PLPP4: variants seen among roughly 807,000 people sequenced by gnomAD.
PLPP4 encodes diacylglycerol pyrophosphate like 2.
In PLPP4, 20 loss-of-function variants were observed where a neutral mutation model predicts 32.2. The observed-to-expected ratio is 0.62, with a 90% CI of 0.44 to 0.90. PLPP4 has a LOEUF of 0.90. PLPP4 is among the 40% of genes least tolerant of loss of function. The pLI is 0.00. For synonymous variants in PLPP4, 127 were observed against 133.0 expected (o/e 0.95, Z 0.31); for missense variants, 257 against 353.1 (o/e 0.73, Z 2.18).
chr10:120,574,166 ACACTCTCTCTCTCTCTCTCT>A (rs1240830505), intron 5 of PLPP4, among the ~76,000 whole-genome samples: 52 of 48,012 alleles, frequency 1.1e-3, no homozygotes, highest in African/African-American at 3.7e-3. Flanking sequence ...ACACACACAC[ACACTCTCTCTCTCTCTCTCT>A]CTCTCTCTCT....
rs1430582061 is a variant in PLPP4 at position 120,550,843 on chromosome 10, A to T, written c.446-24288A>T. Reference sequence around the variant, plus strand: ...CTTTGGTACTTTGGGATAGACAAAGATTTCTTTAGGAGAAACACAACAGCA... The same window carrying T: ...CTTTGGTACTTTGGGATAGACAAAGTTTTCTTTAGGAGAAACACAACAGCA... On this transcript the variant is annotated intron_variant, in intron 5 of 6. Transcript: ENST00000398250. Among the ~76,000 whole-genome samples, 5 of 152,096 alleles carry T rather than the reference A, an allele frequency of 3.3e-5. No individual in the cohort carries two copies. In the South Asian group the frequency reaches 8.3e-4, roughly 25 times the overall value.
At chr10:120,543,078 T>G (rs1046210697) in intron 5 of PLPP4, among the ~76,000 whole-genome samples, 1 of 152,154 alleles carries the variant, frequency 6.6e-6, no homozygotes, top group Non-Finnish European at 1.5e-5. Flanking sequence ...GTGGCAGGAC[T>G]GGGCCACCTT....
At chr10:120,463,193 A>AT (rs1848148310) in intron 1 of PLPP4, among the ~76,000 whole-genome samples, 1 of 151,582 alleles carries the variant, frequency 6.6e-6, no homozygotes, top group Admixed American at 6.6e-5. Flanking sequence ...CGCCTGGCTA[A>AT]TTTTTTGTAT....
intron 4 of PLPP4, among the ~76,000 whole-genome samples, chr10:120,520,503 A>T (rs1044567841): frequency 6.6e-6 from 1 of 152,214 alleles, no homozygotes; most frequent in Non-Finnish European, 1.5e-5. Flanking sequence ...ATGCATGCCA[A>T]TATCCAACAA....
At chr10:120,494,609 G>C (rs2133845779) in intron 1 of PLPP4, among the ~76,000 whole-genome samples, 2 of 152,328 alleles carry the variant, frequency 1.3e-5, no homozygotes, top group South Asian at 4.1e-4. Flanking sequence ...AATTCCGGGA[G>C]CTGTTCCTGG....
At chr10:120,513,872 C>A in intron 2 of PLPP4, 39 bp from the exon 3 acceptor site, 1 of 1,489,282 alleles carries the variant, frequency 6.7e-7, no homozygotes, top group Non-Finnish European at 9.4e-7. Context: ...TGATAGCAAA[C>A]TGATGTCCTC....
chr10:120,579,841 C>T (rs553481607), intron 6 of PLPP4, among the ~76,000 whole-genome samples: 1 of 151,682 alleles, frequency 6.6e-6, no homozygotes, highest in South Asian at 2.1e-4. Flanking sequence ...GGCGCGGTGG[C>T]TCATGCCTGT....
chr10:120,581,328 C>T, intron 6 of PLPP4: 1 of 984,230 alleles, frequency 1.0e-6, no homozygotes, highest in Non-Finnish European at 1.2e-6. Flanking sequence ...TTCCTTCCCA[C>T]TCTGGTCTAG....
chr10:120,589,013 T>G (rs1231565864), intron 6 of PLPP4, among the ~76,000 whole-genome samples: 3 of 152,266 alleles, frequency 2.0e-5, no homozygotes, highest in African/African-American at 7.2e-5. Flanking sequence ...AGCACTGCAC[T>G]CCAGCCTGGG....
intron 5 of PLPP4, among the ~76,000 whole-genome samples, chr10:120,572,625 G>A (rs1044290372): frequency 1.3e-5 from 2 of 152,162 alleles, no homozygotes; most frequent in African/African-American, 2.4e-5. Flanking sequence ...TGCATTTAGT[G>A]TAATTAGGTG....
chr10:120,544,615 G>A (rs1217424921), intron 5 of PLPP4, among the ~76,000 whole-genome samples: 2 of 152,192 alleles, frequency 1.3e-5, no homozygotes, highest in Non-Finnish European at 2.9e-5. Context: ...AGGTTGGAGT[G>A]TGAGCCTGTC....
At chr10:120,490,695 G>A (rs1844680590) in intron 1 of PLPP4, among the ~76,000 whole-genome samples, 1 of 152,208 alleles carries the variant, frequency 6.6e-6, no homozygotes, top group African/African-American at 2.4e-5. Flanking sequence ...AATGGTCATG[G>A]GTGTCAGGTC....
intron 1 of PLPP4, among the ~76,000 whole-genome samples, chr10:120,479,962 CA>C (rs1200242893): frequency 6.6e-6 from 1 of 152,154 alleles, no homozygotes; most frequent in African/African-American, 2.4e-5. Context: ...CTCTCTAAAG[CA>C]AGTTAGTTTC....
intron 6 of PLPP4, among the ~76,000 whole-genome samples, chr10:120,584,901 A>G (rs1015837744): frequency 3.7e-4 from 57 of 152,238 alleles, no homozygotes; most frequent in African/African-American, 1.2e-3. Flanking sequence ...GGGAAACAGA[A>G]TTGGCAGGAA....
At chr10:120,534,599 T>C (rs937136636) in intron 5 of PLPP4, among the ~76,000 whole-genome samples, 1 of 152,160 alleles carries the variant, frequency 6.6e-6, no homozygotes, top group African/African-American at 2.4e-5. Context: ...TATGCTTAAA[T>C]GTGTCCTATA....
At chr10:120,543,710 C>T (rs567627848) in intron 5 of PLPP4, among the ~76,000 whole-genome samples, 1 of 152,242 alleles carries the variant, frequency 6.6e-6, no homozygotes, top group East Asian at 1.9e-4. Flanking sequence ...ACCATCTATC[C>T]ACAGAACTCC....
chr10:120,570,310 A>G (rs907198702), intron 5 of PLPP4, among the ~76,000 whole-genome samples: 2 of 151,996 alleles, frequency 1.3e-5, no homozygotes, highest in Non-Finnish European at 2.9e-5. Context: ...ATCCTCTGCA[A>G]AACACCCTTC....
intron 6 of PLPP4, among the ~76,000 whole-genome samples, chr10:120,577,651 A>C (rs1026985692): frequency 1.3e-5 from 2 of 152,222 alleles, no homozygotes; most frequent in Non-Finnish European, 2.9e-5. Flanking sequence ...TTAGAACCAT[A>C]TTTGGGAATC....
At chr10:120,466,908 C>G (rs866866892) in intron 1 of PLPP4, among the ~76,000 whole-genome samples, 4 of 152,014 alleles carry the variant, frequency 2.6e-5, no homozygotes, top group Non-Finnish European at 5.9e-5. Flanking sequence ...GGTGGAGATA[C>G]AGGTCAATGA....
Sources: gnomAD v4.1 joint callset for allele counts (sites outside exome capture counted in the v4.1 genomes callset) on GRCh38, gnomAD v4.1.1 for gene constraint, MANE v1.5 for transcripts, NCBI Gene and HGNC (gene_info 2026-07-23, HGNC 2026-07-21) for gene names.